PPP5C: variants seen among roughly 807,000 people sequenced by gnomAD.
The protein encoded by PPP5C is serine/threonine-protein phosphatase 5.
In PPP5C, 21 loss-of-function variants were observed where a neutral mutation model predicts 66.7. The observed-to-expected ratio is 0.31, with a 90% CI of 0.22 to 0.45. The LOEUF (loss-of-function observed/expected upper bound fraction) is 0.45, where lower values mean the gene tolerates loss of function less well. PPP5C is among the 20% of genes least tolerant of loss of function. The pLI is 1.00. For synonymous variants in PPP5C, 246 were observed against 257.4 expected (o/e 0.96, Z 0.43); for missense variants, 464 against 675.9 (o/e 0.69, Z 3.48).
Position 46,384,835 on chromosome 19 carries a change from C to T in PPP5C, c.830C>T (p.Ser277Phe). The stretch of plus-strand genomic sequence containing the variant: ...AATGGTGACTTTGTGGACCGAGGCT[C>T]CTTCTCTGTAGAAGTGATCCTCACC... ...IFNGDFVDRG[S>F]FSVEVILTLF... Residue 277 changes from serine (S) to phenylalanine (F), a missense_variant, in exon 7 of 13, where the codon TCC (serine) becomes TTC (phenylalanine). Around this residue, in one of 2 missense-constraint regions of PPP5C, gnomAD observed 387 missense variants for 626.0 expected, o/e 0.62. Transcript: ENST00000012443. 6.2e-7 allele frequency: 1 copy of T among 1,614,120 alleles called. No homozygotes were observed. The highest frequency in any genetic ancestry group is 8.5e-7 in the Non-Finnish European group (1 of 1,179,984).
At chr19:46,363,325 A>AC (rs1452357815) in intron 2 of PPP5C, among the ~76,000 whole-genome samples, 2 of 133,804 alleles carry the variant, frequency 1.5e-5, no homozygotes, top group African/African-American at 2.7e-5. Context: ...AAAAAAAAAA[A>AC]AAAAAAAAAA....
chr19:46,390,242 C>G (rs1972992856), intron 12 of PPP5C, 42 bp from the exon 13 acceptor site: 2 of 1,597,878 alleles, frequency 1.3e-6, no homozygotes, highest in Non-Finnish European at 1.7e-6. Flanking sequence ...CTCAGGGGCT[C>G]TGTTCTGACT....
chr19:46,375,713 A>G lies in PPP5C; in HGVS notation c.473A>G (p.Lys158Arg), dbSNP rs571962821. The G allele has an allele frequency of 1.9e-6, 3 of 1,610,376 alleles. No homozygotes were observed. The highest frequency in any genetic ancestry group is 2.2e-5 in the East Asian group (1 of 44,720). ...FERAIAGDEH[K>R]RSVVDSLDIE... The stretch of plus-strand genomic sequence containing the variant: ...CGGGCCATCGCGGGCGACGAGCACA[A>G]GCGCTCCGTGGTGGACTCGCTGGAC... Residue 158 changes from lysine to arginine, a missense_variant, in exon 3 of 13, where the codon AAG becomes AGG. Transcript: ENST00000012443.
intron 4 of PPP5C, chr19:46,382,983 AG>A (rs1232036268): frequency 9.3e-7 from 1 of 1,075,450 alleles, no homozygotes; most frequent in African/African-American, 1.7e-5. Context: ...GTCCGTTGAA[AG>A]CACCAGTGTT....
intron 7 of PPP5C, 142 bp from the exon 8 acceptor site, chr19:46,386,951 G>A (rs965884604): frequency 8.5e-7 from 1 of 1,178,296 alleles, no homozygotes; most frequent in Non-Finnish European, 1.2e-6. Context: ...GGTACCTCCA[G>A]TCTGGAAGGC....
rs1279938654 is a variant in PPP5C at position 46,353,939 on chromosome 19, A to G, written c.313A>G (p.Ser105Gly). The G allele has an allele frequency of 6.2e-7, 1 of 1,608,562 alleles. No individual in the cohort carries two copies. The highest frequency in any genetic ancestry group is 1.3e-5 in the African/African-American group (1 of 74,918). The change falls in exon 2 of 13, where the codon AGC becomes GGC. Residue 105 changes from serine (S) to glycine (G), a missense_variant. Ser to Gly is a moderately conservative substitution (Grantham distance 56, BLOSUM62 0). Transcript: ENST00000012443. ...YIKGYYRRAA[S>G]NMALGKFRAA... ...CAAGGGTTATTACCGCCGGGCTGCC[A>G]GCAACATGGCACTGGGCAAGTTCCG...
intron 2 of PPP5C, among the ~76,000 whole-genome samples, chr19:46,371,974 G>A (rs141207704): frequency 6.6e-6 from 1 of 152,258 alleles, no homozygotes; most frequent in Non-Finnish European, 1.5e-5. Context: ...AAGCAGTTCT[G>A]AAGAACAGTT....
At chr19:46,371,994 A>C (rs2238692) in intron 2 of PPP5C, among the ~76,000 whole-genome samples, 38,112 of 152,028 alleles carry the variant, frequency 0.25, 5,082 homozygotes, top group South Asian at 0.51. Context: ...TGTTCTGGTA[A>C]GTTTGGGCAG....
Position 46,390,441 on chromosome 19 carries a change from A to G in PPP5C, c.*95A>G. 4 of 1,537,768 alleles carry G rather than the reference A, an allele frequency of 2.6e-6. No individual in the cohort carries two copies. In the South Asian group the frequency reaches 4.8e-5, roughly 18 times the overall value. On this transcript the variant is annotated 3_prime_UTR_variant, in exon 13 of 13. Transcript: ENST00000012443. ...GCAGAGCAGGCCCCGCCCCAGGGCA[A>G]TGTTGGACCCCCTTTTACTTTGTAA...
chr19:46,358,180 A>T (rs6509261), intron 2 of PPP5C, among the ~76,000 whole-genome samples: 8 of 152,308 alleles, frequency 5.3e-5, no homozygotes, highest in East Asian at 1.9e-4. Context: ...TCATAGTACC[A>T]CTGGCCACCC....
At chr19:46,361,773 A>G (rs973993706) in intron 2 of PPP5C, among the ~76,000 whole-genome samples, 5 of 151,998 alleles carry the variant, frequency 3.3e-5, no homozygotes, top group South Asian at 2.1e-4. Context: ...CAAAAAAAAA[A>G]AAAAATACTA....
intron 2 of PPP5C, among the ~76,000 whole-genome samples, chr19:46,375,043 C>G (rs979894187): frequency 6.6e-6 from 1 of 152,210 alleles, no homozygotes; most frequent in African/African-American, 2.4e-5. Context: ...TGCCCACCTG[C>G]CCCTGCTGCA....
chr19:46,350,221 T>G (rs751518645), intron 1 of PPP5C, among the ~76,000 whole-genome samples: 164 of 152,250 alleles, frequency 1.1e-3, no homozygotes, highest in Non-Finnish European at 2.0e-3. Context: ...AGGGAGTGGC[T>G]GAATCTGAGA....
Position 46,353,740 on chromosome 19 carries a change from C to T in PPP5C, c.122-8C>T. The T allele has an allele frequency of 6.2e-7, 1 of 1,614,032 alleles. No homozygotes were observed. Among genetic ancestry groups the T allele is most frequent in the Non-Finnish European group, 8.5e-7 (1 of 1,179,954 alleles). On this transcript the variant is annotated splice_polypyrimidine_tract_variant and splice_region_variant and intron_variant, in intron 1 of 12. Transcript: ENST00000012443. Reference sequence around the variant, plus strand: ...CACTGCCTCATGCCTCTTCTTCTGTCTCCGCAGCCAAGGACTACGAGAACG... The same window carrying T: ...CACTGCCTCATGCCTCTTCTTCTGTTTCCGCAGCCAAGGACTACGAGAACG...
rs1972347422 is a variant in PPP5C at position 46,359,682 on chromosome 19, T to C, written c.363+5693T>C. On this transcript the variant is annotated intron_variant, in intron 2 of 12. Coordinates refer to ENST00000012443, the MANE Select transcript of PPP5C (RefSeq NM_006247.4). ...ATTCTCAAAATAAGTTTTAGTGTTA[T>C]ACTTTATTTGCATAAAGTACAGCAA... Among the ~76,000 whole-genome samples the C allele has an allele frequency of 2.0e-5, 3 of 152,168 alleles. No homozygotes were observed. In the South Asian group the frequency reaches 6.2e-4, roughly 32 times the overall value.
chr19:46,361,449 T>A (rs1459743294), intron 2 of PPP5C, among the ~76,000 whole-genome samples: 3 of 148,370 alleles, frequency 2.0e-5, no homozygotes, highest in African/African-American at 7.4e-5. Context: ...TTATTATCTT[T>A]TACTAATACT....
At chr19:46,362,613 G>A (rs1972410353) in intron 2 of PPP5C, among the ~76,000 whole-genome samples, 1 of 151,760 alleles carries the variant, frequency 6.6e-6, no homozygotes, top group Admixed American at 6.6e-5. Context: ...TGATTGTTGG[G>A]AAAATTTCGT....
At chr19:46,365,103 C>A (rs1241534305) in intron 2 of PPP5C, among the ~76,000 whole-genome samples, 4 of 152,216 alleles carry the variant, frequency 2.6e-5, no homozygotes, top group African/African-American at 9.6e-5. Context: ...TTGCCTCGGT[C>A]TCCCAAGTAG....
rs192447715 is a variant in PPP5C at position 46,353,240 on chromosome 19, A to G, written c.122-508A>G. Among the ~76,000 whole-genome samples, 10 of 152,242 alleles carry G rather than the reference A, an allele frequency of 6.6e-5. No individual in the cohort carries two copies. In the East Asian group the frequency reaches 1.9e-3, roughly 29 times the overall value. On this transcript the variant is annotated intron_variant, in intron 1 of 12. Coordinates refer to ENST00000012443, the MANE Select transcript of PPP5C (RefSeq NM_006247.4). ...CAGGGTACAGCTATAGCTCATCTCA[A>G]ATAAAATCCGACCTCTCCTCCTTGG...
Sources: gnomAD v4.1 joint callset for allele counts (sites outside exome capture counted in the v4.1 genomes callset) on GRCh38, gnomAD v4.1.1 for gene constraint, gnomAD v4.1.1 regional missense constraint, MANE v1.5 for transcripts, NCBI Gene and HGNC (gene_info 2026-07-23, HGNC 2026-07-21) for gene names.